MARCHF10: variants seen among roughly 807,000 people sequenced by gnomAD.
MARCHF10 encodes the protein membrane associated ring-CH-type finger 10, also known as probable E3 ubiquitin-protein ligase MARCHF10.
In MARCHF10, 64 loss-of-function variants were observed where a neutral mutation model predicts 76.2. That is an observed-to-expected ratio of 0.84 (90% CI 0.69 to 1.03). The LOEUF is 1.03. Among genes scored for constraint, MARCHF10 ranks in the 50% least tolerant of loss-of-function variants. MARCHF10 has a pLI of 0.00. For synonymous variants in MARCHF10, 340 were observed against 357.5 expected, an observed-to-expected ratio of 0.95 and a Z score of 0.55; for missense variants, 875 against 958.0, an observed-to-expected ratio of 0.91 and a Z score of 1.14.
In MARCHF10 at chr17:62,727,335, A is replaced by G. The variant is rs1226801011; in HGVS notation, c.1938-2231T>C. 2.0e-5 allele frequency among the ~76,000 whole-genome samples: 3 copies of G among 152,186 alleles called. No individual in the cohort carries two copies. The East Asian group carries it at 5.8e-4, about 29-fold the overall frequency. On this transcript the variant is annotated intron_variant, in intron 6 of 10. Coordinates refer to ENST00000311269, the MANE Select transcript of MARCHF10 (RefSeq NM_152598.4). ...GAAAAGCACAGAAAAGAAAAGGAGA[A>G]TCAAGCATAAAATCATTACCCCAAA...
chr17:62,746,910 G>C (rs1003553505), intron 4 of MARCHF10: 2 of 1,536,124 alleles, frequency 1.3e-6, no homozygotes, highest in African/African-American at 2.7e-5. Flanking sequence ...TTCTTCCCCA[G>C]ACTGCACCAG....
chr17:62,744,773 T>C (rs1429459419), intron 4 of MARCHF10, among the ~76,000 whole-genome samples: 1 of 152,050 alleles, frequency 6.6e-6, no homozygotes, highest in Non-Finnish European at 1.5e-5. Context: ...ATGGAAATAA[T>C]CATGCCTCCT....
chr17:62,767,450 C>CTTTT (rs1555707309), intron 3 of MARCHF10, among the ~76,000 whole-genome samples: 1 of 134,792 alleles, frequency 7.4e-6, no homozygotes, highest in African/African-American at 2.7e-5. Flanking sequence ...GGTCTGTATT[C>CTTTT]TTTTTTTTTT....
At chr17:62,803,414 G>A (rs1166496245) in intron 1 of MARCHF10, among the ~76,000 whole-genome samples, 1 of 152,190 alleles carries the variant, frequency 6.6e-6, no homozygotes, top group Non-Finnish European at 1.5e-5. Flanking sequence ...ATATTTCATA[G>A]TAATCTAGAT....
At chr17:62,719,444 T>G (rs771329709) in intron 8 of MARCHF10, among the ~76,000 whole-genome samples, 16 of 152,236 alleles carry the variant, frequency 1.1e-4, no homozygotes, top group Non-Finnish European at 2.2e-4. Context: ...CTTAACACTG[T>G]AAATATTTTG....
intron 5 of MARCHF10, among the ~76,000 whole-genome samples, chr17:62,740,648 T>C (rs2091471280): frequency 6.6e-6 from 1 of 152,064 alleles, no homozygotes; most frequent in South Asian, 2.1e-4. Context: ...CTCAGCTTCT[T>C]TTTTTCTTAC....
At chr17:62,797,657 G>A (rs1468513114) in intron 2 of MARCHF10, among the ~76,000 whole-genome samples, 1 of 152,180 alleles carries the variant, frequency 6.6e-6, no homozygotes, top group African/African-American at 2.4e-5. Flanking sequence ...GTGTAGGTTG[G>A]TTTTGCTTAG....
chr17:62,775,507 C>CGGGGG (rs138680582), intron 3 of MARCHF10, among the ~76,000 whole-genome samples: 1 of 146,698 alleles, frequency 6.8e-6, no homozygotes, highest in African/African-American at 2.6e-5. Flanking sequence ...GTCAGCCACT[C>CGGGGG]GGGGGGGGGC....
chr17:62,795,356 C>CAAAAAAAAAA (rs61564298), intron 2 of MARCHF10, among the ~76,000 whole-genome samples: 9 of 52,946 alleles, frequency 1.7e-4, no homozygotes, highest in African/African-American at 5.6e-4. Context: ...ATCATTTGAT[C>CAAAAAAAAAA]AAAAAAAAAA....
At chr17:62,802,603 C>T (rs545732301) in intron 1 of MARCHF10, among the ~76,000 whole-genome samples, 26 of 152,260 alleles carry the variant, frequency 1.7e-4, no homozygotes, top group African/African-American at 4.8e-4. Flanking sequence ...CAGAACTATG[C>T]GGCTCTTTGA....
At chr17:62,802,795 A>T (rs186300744) in intron 1 of MARCHF10, among the ~76,000 whole-genome samples, 1,644 of 152,258 alleles carry the variant, frequency 0.011, 14 homozygotes, top group Non-Finnish European at 0.015. Flanking sequence ...GAAGCAGTGC[A>T]GCTGGAGCAG....
chr17:62,755,247 GC>G (rs2092006886), intron 4 of MARCHF10, among the ~76,000 whole-genome samples: 1 of 152,218 alleles, frequency 6.6e-6, no homozygotes, highest in Non-Finnish European at 1.5e-5. Flanking sequence ...AGGGGACCAT[GC>G]CCAAGCTCCA....
At chr17:62,718,306 G>T (rs2090321436) in intron 8 of MARCHF10, among the ~76,000 whole-genome samples, 1 of 152,226 alleles carries the variant, frequency 6.6e-6, no homozygotes, top group South Asian at 2.1e-4. Flanking sequence ...AGTGGGACCT[G>T]CGGCCTCAGA....
intron 1 of MARCHF10, among the ~76,000 whole-genome samples, chr17:62,803,460 T>C (rs1176768259): frequency 6.6e-6 from 1 of 151,676 alleles, no homozygotes; most frequent in Non-Finnish European, 1.5e-5. Context: ...GTAGCAACAG[T>C]GGAGAGAAAA....
intron 2 of MARCHF10, among the ~76,000 whole-genome samples, chr17:62,798,443 A>T (rs1039057881): frequency 6.0e-4 from 78 of 129,920 alleles, no homozygotes; most frequent in African/African-American, 2.2e-3. Context: ...GGGAAACATT[A>T]AAAAAAAAAA....
intron 5 of MARCHF10, 69 bp downstream of exon 5, chr17:62,744,307 T>C (rs917008979): frequency 2.0e-6 from 3 of 1,513,576 alleles, no homozygotes; most frequent in Non-Finnish European, 2.7e-6. Flanking sequence ...CCATAAAGAA[T>C]TCACCGGGTA....
At chr17:62,723,704 A>T (rs1254949944) in intron 7 of MARCHF10, among the ~76,000 whole-genome samples, 2 of 151,956 alleles carry the variant, frequency 1.3e-5, no homozygotes, top group Non-Finnish European at 1.5e-5. Context: ...CATGTTTCAC[A>T]GGTAACTTTT....
At chr17:62,730,467 T>C (rs1444630849) in intron 6 of MARCHF10, among the ~76,000 whole-genome samples, 1 of 152,240 alleles carries the variant, frequency 6.6e-6, no homozygotes, top group Non-Finnish European at 1.5e-5. Context: ...ATAGCTACCA[T>C]GTATTAAGCG....
chr17:62,765,121 C>T (rs1196759722), intron 3 of MARCHF10, among the ~76,000 whole-genome samples: 4 of 151,952 alleles, frequency 2.6e-5, no homozygotes, highest in East Asian at 1.9e-4. Flanking sequence ...CCAAGGCAGG[C>T]GGATCACTTG....
Sources: allele counts gnomAD v4.1 joint callset (sites outside exome capture counted in the v4.1 genomes callset), GRCh38; gene constraint gnomAD v4.1.1; transcripts MANE v1.5; gene names NCBI Gene and HGNC (gene_info 2026-07-23, HGNC 2026-07-21).